The following CMSS1 variants were observed in gnomAD, a reference collection of about 807,000 sequenced individuals.
CMSS1 encodes protein CMSS1.
Under a neutral mutation model 43.5 loss-of-function variants are expected in CMSS1, and 33 were observed. That is an observed-to-expected ratio of 0.76 (90% CI 0.57 to 1.01). CMSS1 has a LOEUF of 1.01. Ranked by LOEUF, CMSS1 falls within the 50% of genes least tolerant of loss-of-function variation. The probability of loss-of-function intolerance (pLI) is 0.00; values close to 1 mark genes in which losing one functional copy is unlikely to be tolerated. For missense variants in CMSS1, 313 were observed against 326.4 expected, an observed-to-expected ratio of 0.96 and a Z score of 0.32; for synonymous variants, 115 against 117.2, an observed-to-expected ratio of 0.98 and a Z score of 0.12.
At chr3:100,080,172 G>A (rs746067934) in intron 1 of CMSS1, among the ~76,000 whole-genome samples, 7 of 151,900 alleles carry the variant, frequency 4.6e-5, no homozygotes, top group African/African-American at 7.2e-5. Flanking sequence ...TAATAGAGAC[G>A]GGGATCTCGC....
intron 1 of CMSS1, among the ~76,000 whole-genome samples, chr3:99,971,698 G>T (rs1031275088): frequency 4.6e-5 from 7 of 152,162 alleles, no homozygotes; most frequent in Non-Finnish European, 1.0e-4. Context: ...TCACACTGTG[G>T]ACTCACAGGA....
chr3:99,970,915 A>T (rs550521693), intron 1 of CMSS1, among the ~76,000 whole-genome samples: 1 of 152,364 alleles, frequency 6.6e-6, no homozygotes, highest in Admixed American at 6.5e-5. Flanking sequence ...AAGATGGGTT[A>T]GGAAGCTGTT....
chr3:100,129,461 G>A (rs1023448558), intron 1 of CMSS1, among the ~76,000 whole-genome samples: 1 of 152,160 alleles, frequency 6.6e-6, no homozygotes, highest in Non-Finnish European at 1.5e-5. Flanking sequence ...ATTTTAAAGA[G>A]TGCTCTCTGG....
At chr3:99,971,992 A>G (rs184607449) in intron 1 of CMSS1, among the ~76,000 whole-genome samples, 14 of 152,244 alleles carry the variant, frequency 9.2e-5, no homozygotes, top group African/African-American at 3.4e-4. Context: ...GCACACTGAC[A>G]TGGAGTATAG....
intron 1 of CMSS1, among the ~76,000 whole-genome samples, chr3:100,010,707 C>T (rs1263266237): frequency 4.1e-5 from 6 of 146,052 alleles, no homozygotes; most frequent in East Asian, 2.0e-4. Context: ...TTCTACCTCC[C>T]GGGTTCAAGC....
In CMSS1 at chr3:100,074,675, A is replaced by ATTTTTTT. The variant is rs555819875; in HGVS notation, c.65-72268_65-72262dup. ...ATTTTCTATGCATGTGCAACATTTG[A>ATTTTTTT]TTTTTTTTTTTTTTTTTTTTTTTTT... is the stretch of plus-strand genomic sequence containing the variant. On this transcript the variant is annotated intron_variant, in intron 1 of 9. Transcript: ENST00000421999. Among the ~76,000 whole-genome samples, 56 of 34,798 alleles carry ATTTTTTT rather than the reference A, an allele frequency of 1.6e-3. 19 individuals carry two copies. Among genetic ancestry groups the ATTTTTTT allele is most frequent in the African/African-American group, 1.8e-3 (15 of 8,454 alleles). The allele number at this position is 34,798 out of a possible 152,430, so 22.8% of individuals were successfully genotyped here. A position where few individuals can be genotyped will look rare whatever the true frequency, so the allele number is the denominator to read the frequency against.
chr3:99,827,627 G>A (rs543206795), intron 1 of CMSS1, among the ~76,000 whole-genome samples: 23 of 152,138 alleles, frequency 1.5e-4, no homozygotes, highest in Non-Finnish European at 2.5e-4. Context: ...AATTTGAGAC[G>A]GAGTTTTGCT....
intron 1 of CMSS1, among the ~76,000 whole-genome samples, chr3:100,000,990 G>A (rs374612579): frequency 5.3e-5 from 8 of 152,270 alleles, no homozygotes; most frequent in South Asian, 4.1e-4. Context: ...CCTAGTTACT[G>A]GGTGATAGAT....
intron 1 of CMSS1, among the ~76,000 whole-genome samples, chr3:99,819,425 G>A (rs1262319012): frequency 6.6e-6 from 1 of 152,156 alleles, no homozygotes; most frequent in Non-Finnish European, 1.5e-5. Flanking sequence ...TTATTCATCC[G>A]TTGGAAGAAA....
At chr3:100,002,424 T>A (rs1415411185) in intron 1 of CMSS1, among the ~76,000 whole-genome samples, 1 of 152,082 alleles carries the variant, frequency 6.6e-6, no homozygotes, top group Non-Finnish European at 1.5e-5. Flanking sequence ...ATCTCAGGAG[T>A]GAATATTCAC....
At chr3:99,876,383 T>TGGTGGGCCGGTGGGCC (rs147852464) in intron 1 of CMSS1, among the ~76,000 whole-genome samples, 20 of 151,894 alleles carry the variant, frequency 1.3e-4, no homozygotes, top group East Asian at 7.8e-4. Context: ...AGGGAATGAG[T>TGGTGGGCCGGTGGGCC]GGTGGGCCGG....
At chr3:99,946,766 A>T (rs1321315270) in intron 1 of CMSS1, among the ~76,000 whole-genome samples, 1 of 152,168 alleles carries the variant, frequency 6.6e-6, no homozygotes, top group Non-Finnish European at 1.5e-5. Flanking sequence ...AGCCTTTAGT[A>T]GGGACTGCTT....
At chr3:99,901,872 G>C (rs1218351571) in intron 1 of CMSS1, among the ~76,000 whole-genome samples, 2 of 151,964 alleles carry the variant, frequency 1.3e-5, no homozygotes, top group Non-Finnish European at 2.9e-5. Flanking sequence ...TTTTGTGAGT[G>C]GTACCACCTG....
chr3:100,081,549 T>A (rs898375893), intron 1 of CMSS1, among the ~76,000 whole-genome samples: 8 of 152,198 alleles, frequency 5.3e-5, no homozygotes, highest in African/African-American at 1.7e-4. Flanking sequence ...CTCATGAAGA[T>A]TCTTTGGTTG....
chr3:100,129,840 C>T lies in CMSS1; in HGVS notation c.65-17133C>T, dbSNP rs141840373. On this transcript the variant is annotated intron_variant, in intron 1 of 9. Transcript: ENST00000421999. ...ATTCGTTTTACTAAAGTCATTATTA[C>T]TATAAGTGACACTTGGTTCTCATAG... 2.2e-3 allele frequency among the ~76,000 whole-genome samples: 334 copies of T among 152,300 alleles called. 1 individual carries two copies. The highest frequency in any genetic ancestry group is 7.7e-3 in the African/African-American group (320 of 41,568).
chr3:99,957,666 A>C (rs565947158), intron 1 of CMSS1, among the ~76,000 whole-genome samples: 2 of 78,556 alleles, frequency 2.5e-5, no homozygotes, highest in East Asian at 3.6e-4. Context: ...GTTACTTGGC[A>C]CTTCTCCTTT....
At chr3:100,165,906 A>T (rs2067061835) in intron 4 of CMSS1, among the ~76,000 whole-genome samples, 1 of 152,230 alleles carries the variant, frequency 6.6e-6, no homozygotes, top group African/African-American at 2.4e-5. Flanking sequence ...ACTTGGTATT[A>T]TACATATTGC....
intron 1 of CMSS1, among the ~76,000 whole-genome samples, chr3:100,126,815 G>A (rs1262154574): frequency 1.3e-5 from 2 of 152,072 alleles, no homozygotes; most frequent in East Asian, 1.9e-4. Flanking sequence ...TGGCTAACAC[G>A]GTGAAACTCC....
intron 1 of CMSS1, among the ~76,000 whole-genome samples, chr3:99,819,646 C>T (rs940727042): frequency 7.2e-5 from 11 of 152,124 alleles, no homozygotes; most frequent in African/African-American, 2.4e-5. Context: ...TTGAAAGTCA[C>T]GCTTTTCCCG....
Sources: gnomAD v4.1 joint callset for allele counts (sites outside exome capture counted in the v4.1 genomes callset) on GRCh38, gnomAD v4.1.1 for gene constraint, MANE v1.5 for transcripts, NCBI Gene and HGNC (gene_info 2026-07-23, HGNC 2026-07-21) for gene names.